The following CCDC146 variants were observed in gnomAD, a reference collection of about 807,000 sequenced individuals.
CCDC146 encodes coiled-coil domain containing 146, also known as coiled-coil domain-containing protein 146.
A neutral mutation model predicts 119.3 loss-of-function variants in CCDC146; 92 were observed. The ratio of observed to expected loss-of-function variants is 0.77; its 90% CI spans 0.65 to 0.92. CCDC146 has a LOEUF of 0.92. Ranked by LOEUF, CCDC146 falls within the 40% of genes least tolerant of loss-of-function variation. The probability of loss-of-function intolerance (pLI) is 0.00; values close to 1 mark genes in which losing one functional copy is unlikely to be tolerated. For missense variants in CCDC146, 1,000 were observed against 1,103.0 expected (o/e 0.91, Z 1.32); for synonymous variants, 372 against 371.8 (o/e 1.00, Z -0.01).
At chr7:77,160,677 C>A (rs541124726) in intron 1 of CCDC146, among the ~76,000 whole-genome samples, 6 of 152,148 alleles carry the variant, frequency 3.9e-5, no homozygotes, top group African/African-American at 7.2e-5. Flanking sequence ...GGGCTGAGAC[C>A]ATGGGGTTTT....
At chr7:77,202,247 T>C (rs1035287166) in intron 2 of CCDC146, among the ~76,000 whole-genome samples, 3 of 152,248 alleles carry the variant, frequency 2.0e-5, no homozygotes, top group African/African-American at 4.8e-5. Context: ...AAAAATCCCT[T>C]TTTCCTTCTT....
At chr7:77,273,066 A>C (rs1793556994) in intron 9 of CCDC146, among the ~76,000 whole-genome samples, 1 of 152,186 alleles carries the variant, frequency 6.6e-6, no homozygotes, top group Admixed American at 6.5e-5. Flanking sequence ...TCATGTCTCC[A>C]AAGTGCTGGG....
chr7:77,258,951 A>G (rs769036584), intron 6 of CCDC146, 44 bp from the exon 7 acceptor site: 21 of 1,308,650 alleles, frequency 1.6e-5, no homozygotes, highest in Admixed American at 1.1e-4. Context: ...AATTGCTTCT[A>G]GCCGAAGACC....
At chr7:77,199,120 A>G in intron 2 of CCDC146, 1 of 1,414,534 alleles carries the variant, frequency 7.1e-7, no homozygotes, top group Non-Finnish European at 9.7e-7. Flanking sequence ...TAATGTTTAT[A>G]GATACTCTCT....
chr7:77,141,128 T>C (rs1482667683), intron 1 of CCDC146, among the ~76,000 whole-genome samples: 2 of 152,184 alleles, frequency 1.3e-5, no homozygotes, highest in African/African-American at 4.8e-5. Context: ...GTCCCTGTGT[T>C]CTCATTGTTC....
At chr7:77,273,230 T>C (rs1793559925) in intron 9 of CCDC146, among the ~76,000 whole-genome samples, 1 of 152,230 alleles carries the variant, frequency 6.6e-6, no homozygotes, top group African/African-American at 2.4e-5. Context: ...ATGAGGGGTA[T>C]TGTAATGATG....
At chr7:77,220,548 G>A (rs1027203292) in intron 2 of CCDC146, among the ~76,000 whole-genome samples, 27 of 152,206 alleles carry the variant, frequency 1.8e-4, no homozygotes, top group Non-Finnish European at 4.0e-4. Flanking sequence ...ATTGATAAAT[G>A]TCCATGACAT....
chr7:77,167,753 C>A lies in CCDC146; in HGVS notation c.85C>A (p.Pro29Thr). The A allele has an allele frequency of 6.2e-7, 1 of 1,611,522 alleles. No homozygotes were observed. The highest frequency in any genetic ancestry group is 2.2e-5 in the East Asian group (1 of 44,734). The change falls in exon 2 of 19, where the codon CCC (proline) becomes ACC (threonine). Residue 29 changes from proline (P) to threonine (T), a missense_variant. Pro to Thr is a conservative substitution (Grantham distance 38, BLOSUM62 -1). This residue lies in a region of CCDC146 where 15 missense variants were observed against 57.7 expected (regional missense o/e 0.26). Transcript: ENST00000285871. The part of the protein sequence containing the change: ...KDQEPIYAIV[P>T]TINIQDERFV... The stretch of plus-strand genomic sequence containing the variant: ...TCAAGAGCCCATTTATGCCATAGTG[C>A]CCACAATTAACATTCAAGATGAGCG...
At chr7:77,227,375 G>A (rs189138328) in intron 2 of CCDC146, among the ~76,000 whole-genome samples, 97 of 152,192 alleles carry the variant, frequency 6.4e-4, no homozygotes, top group Admixed American at 1.8e-3. Flanking sequence ...GTGCAATCTC[G>A]GCTCACTGCA....
chr7:77,125,146 A>T (rs1054896681), intron 1 of CCDC146, among the ~76,000 whole-genome samples: 3 of 151,820 alleles, frequency 2.0e-5, no homozygotes, highest in African/African-American at 7.3e-5. Context: ...GTGAGCCGAG[A>T]TCACACCACT....
intron 9 of CCDC146, among the ~76,000 whole-genome samples, chr7:77,271,140 T>C (rs965116229): frequency 3.3e-5 from 5 of 151,696 alleles, no homozygotes; most frequent in African/African-American, 1.2e-4. Flanking sequence ...AAAGTATTGA[T>C]CCTGGGTGTG....
intron 1 of CCDC146, among the ~76,000 whole-genome samples, chr7:77,143,983 T>C (rs1327918759): frequency 1.3e-5 from 2 of 151,844 alleles, no homozygotes; most frequent in African/African-American, 4.9e-5. Flanking sequence ...GGGGATGGCA[T>C]TGAATCTATA....
At chr7:77,134,093 C>T (rs1790826691) in intron 1 of CCDC146, among the ~76,000 whole-genome samples, 1 of 152,062 alleles carries the variant, frequency 6.6e-6, no homozygotes, top group African/African-American at 2.4e-5. Flanking sequence ...GGGGATTTTG[C>T]ATCCTGCAAT....
chr7:77,259,336 CTT>C, intron 7 of CCDC146: 1 of 351,454 alleles, frequency 2.8e-6, no homozygotes, highest in Non-Finnish European at 5.2e-6. Flanking sequence ...GTTCAATTGA[CTT>C]TAACAGAGCG....
chr7:77,184,001 T>C (rs2150418521), intron 2 of CCDC146, among the ~76,000 whole-genome samples: 1 of 152,336 alleles, frequency 6.6e-6, no homozygotes, highest in South Asian at 2.1e-4. Context: ...ATTTCCTATA[T>C]CAAGCCAACC....
At chr7:77,197,489 T>C (rs1791896534) in intron 2 of CCDC146, among the ~76,000 whole-genome samples, 1 of 152,246 alleles carries the variant, frequency 6.6e-6, no homozygotes, top group Admixed American at 6.5e-5. Flanking sequence ...AGCAAAGCTT[T>C]GTTCTCGTAA....
intron 4 of CCDC146, among the ~76,000 whole-genome samples, chr7:77,244,272 TA>T (rs1431324155): frequency 2.7e-4 from 41 of 152,200 alleles, no homozygotes; most frequent in African/African-American, 9.9e-4. Context: ...TTTTGTAAAG[TA>T]AAAAAGTTAC....
At chr7:77,223,822 A>T (rs1051849967) in intron 2 of CCDC146, among the ~76,000 whole-genome samples, 3 of 152,184 alleles carry the variant, frequency 2.0e-5, no homozygotes, top group Admixed American at 1.3e-4. Context: ...TCATCAAGGA[A>T]TGCACAGTCT....
chr7:77,276,796 A>C (rs1024042345), intron 11 of CCDC146, among the ~76,000 whole-genome samples: 4 of 152,106 alleles, frequency 2.6e-5, no homozygotes, highest in Admixed American at 6.5e-5. Context: ...TTGGGCCAGG[A>C]GCGGTCTCTC....
Sources: allele counts gnomAD v4.1 joint callset (sites outside exome capture counted in the v4.1 genomes callset), GRCh38; gene constraint gnomAD v4.1.1; regional missense constraint gnomAD v4.1.1; transcripts MANE v1.5; gene names NCBI Gene and HGNC (gene_info 2026-07-23, HGNC 2026-07-21).